CHST9: variants seen among roughly 807,000 people sequenced by gnomAD.
CHST9 encodes the protein carbohydrate sulfotransferase 9, also known as GalNAc-4-sulfotransferase 2.
A neutral mutation model predicts 44.4 loss-of-function variants in CHST9; 41 were observed. The ratio of observed to expected loss-of-function variants is 0.92; its 90% CI spans 0.72 to 1.20. CHST9 has a LOEUF of 1.20. Ranked by LOEUF, CHST9 falls within the 50% of genes most tolerant of loss-of-function variation. CHST9 has a pLI of 0.00. For missense variants in CHST9, 504 were observed against 516.5 expected, an observed-to-expected ratio of 0.98 and a Z score of 0.23; for synonymous variants, 171 against 178.4, an observed-to-expected ratio of 0.96 and a Z score of 0.33.
chr18:26,992,620 C>CTT (rs796715944), intron 4 of CHST9, among the ~76,000 whole-genome samples: 92 of 143,172 alleles, frequency 6.4e-4, no homozygotes, highest in African/African-American at 2.1e-3. Context: ...GAAATTCTTT[C>CTT]TTTTTTTTTT....
intron 3 of CHST9, among the ~76,000 whole-genome samples, chr18:27,037,023 T>A (rs570787831): frequency 2.0e-5 from 3 of 152,330 alleles, no homozygotes; most frequent in East Asian, 3.9e-4. Context: ...AACATCTACA[T>A]GCTTATTGGG....
At chr18:27,063,964 C>G (rs960605931) in intron 2 of CHST9, among the ~76,000 whole-genome samples, 1 of 152,036 alleles carries the variant, frequency 6.6e-6, no homozygotes, top group African/African-American at 2.4e-5. Flanking sequence ...GAGGAGAAGC[C>G]AATCCCAAAT....
chr18:27,064,529 TC>T (rs1307029384), intron 2 of CHST9, among the ~76,000 whole-genome samples: 17 of 152,236 alleles, frequency 1.1e-4, no homozygotes, highest in African/African-American at 3.9e-4. Context: ...TTCTAGGCAT[TC>T]AGATGATGCC....
chr18:27,057,289 G>A (rs1276939091), intron 2 of CHST9, among the ~76,000 whole-genome samples: 1 of 152,218 alleles, frequency 6.6e-6, no homozygotes, highest in Non-Finnish European at 1.5e-5. Context: ...CATTGTAAGA[G>A]GAGGAACAGA....
chr18:27,023,791 C>T (rs1250315675), intron 4 of CHST9, among the ~76,000 whole-genome samples: 1 of 152,138 alleles, frequency 6.6e-6, no homozygotes, highest in Admixed American at 6.5e-5. Flanking sequence ...GTGTTAAGTA[C>T]TTTTAAAATA....
At chr18:27,092,385 A>C (rs1440175934) in intron 2 of CHST9, among the ~76,000 whole-genome samples, 3 of 151,900 alleles carry the variant, frequency 2.0e-5, no homozygotes. Flanking sequence ...TGATCTTTTC[A>C]AAAAACCAGC....
At position 27,151,796 on chromosome 18, in the gene CHST9, G is replaced by A. The variant is rs999676193; in HGVS notation, c.-96-8891C>T. On this transcript the variant is annotated intron_variant, in intron 1 of 5. Transcript: ENST00000618847. The stretch of plus-strand genomic sequence containing the variant: ...AGATTCTACCCAGAGCTACAGAAGG[G>A]ACCGCAGTCCTGCTGACACCTTAAT... 2.0e-5 allele frequency among the ~76,000 whole-genome samples: 3 copies of A among 152,140 alleles called. No individual in the cohort carries two copies. The East Asian group carries it at 5.8e-4, about 29-fold the overall frequency.
intron 4 of CHST9, among the ~76,000 whole-genome samples, chr18:26,997,294 G>A (rs1003476865): frequency 2.6e-4 from 40 of 152,156 alleles, no homozygotes; most frequent in African/African-American, 9.4e-4. Flanking sequence ...TAGAGAAAGT[G>A]TTATTATTAG....
intron 2 of CHST9, among the ~76,000 whole-genome samples, chr18:27,076,861 A>G (rs1052476846): frequency 3.9e-5 from 6 of 152,320 alleles, no homozygotes; most frequent in African/African-American, 7.2e-5. Context: ...TACATGTCCA[A>G]TGAGGGGAAA....
intron 1 of CHST9, among the ~76,000 whole-genome samples, chr18:27,182,689 AT>A (rs2061620694): frequency 1.3e-5 from 2 of 152,206 alleles, no homozygotes; most frequent in African/African-American, 4.8e-5. Flanking sequence ...AATATCTCAA[AT>A]CTTGCTTTAT....
At chr18:27,038,446 T>G (rs374763588) in intron 3 of CHST9, among the ~76,000 whole-genome samples, 3 of 152,044 alleles carry the variant, frequency 2.0e-5, no homozygotes, top group East Asian at 1.9e-4. Context: ...CTTGGGAGAC[T>G]GAGGCAGGAG....
chr18:26,959,771 A>AT (rs978798919), intron 4 of CHST9, among the ~76,000 whole-genome samples: 1 of 152,166 alleles, frequency 6.6e-6, no homozygotes, highest in Non-Finnish European at 1.5e-5. Context: ...TTAAAGAAAT[A>AT]TTTTTTGACA....
chr18:26,932,302 C>T (rs111461171), intron 5 of CHST9, among the ~76,000 whole-genome samples: 1,714 of 152,276 alleles, frequency 0.011, 39 homozygotes, highest in African/African-American at 0.039. Context: ...ATCTGCTCAG[C>T]TTTTATGTCA....
At chr18:27,081,365 G>T (rs1309452468) in intron 2 of CHST9, among the ~76,000 whole-genome samples, 1 of 151,978 alleles carries the variant, frequency 6.6e-6, no homozygotes, top group Non-Finnish European at 1.5e-5. Context: ...AAGAAGAAAA[G>T]AAAAGAAAAA....
chr18:27,009,540 T>C (rs1294704105), intron 4 of CHST9, among the ~76,000 whole-genome samples: 1 of 152,212 alleles, frequency 6.6e-6, no homozygotes, highest in Non-Finnish European at 1.5e-5. Context: ...TTCCCTTCTT[T>C]CAGTTCAGAA....
chr18:26,942,456 A>G (rs770950181), intron 5 of CHST9, among the ~76,000 whole-genome samples: 1 of 152,226 alleles, frequency 6.6e-6, no homozygotes, highest in Admixed American at 6.5e-5. Context: ...GAAAACCATT[A>G]TAATTTTATA....
rs764093771 is a variant in CHST9 at position 26,910,631 on chromosome 18, A to T, written c.*5628T>A. ...GGCCCAATGTTGGCAGCTAATTCAG[A>T]TGTTAAATAAAATGCACTGTCAGCC... is the stretch of plus-strand genomic sequence containing the variant. On this transcript the variant is annotated 3_prime_UTR_variant, in exon 6 of 6. Coordinates refer to ENST00000618847, the MANE Select transcript of CHST9 (RefSeq NM_031422.6). The T allele has an allele frequency of 2.8e-4, 42 of 152,320 alleles. No individual in the cohort carries two copies. The highest frequency in any genetic ancestry group is 2.2e-4 in the Non-Finnish European group (15 of 68,028). 9.4% of individuals were successfully genotyped at this position (152,320 alleles called of 1,614,324 possible).
At chr18:27,064,134 C>T (rs552749296) in intron 2 of CHST9, among the ~76,000 whole-genome samples, 1 of 152,086 alleles carries the variant, frequency 6.6e-6, no homozygotes, top group African/African-American at 2.4e-5. Flanking sequence ...AATAGGCTGG[C>T]TGATCTTAGT....
chr18:26,977,491 T>G (rs989087587), intron 4 of CHST9, among the ~76,000 whole-genome samples: 1 of 151,676 alleles, frequency 6.6e-6, no homozygotes, highest in African/African-American at 2.4e-5. Context: ...TTCATACATG[T>G]AGAAAGCCAA....
Sources: gnomAD v4.1 joint callset for allele counts (sites outside exome capture counted in the v4.1 genomes callset) on GRCh38, gnomAD v4.1.1 for gene constraint, MANE v1.5 for transcripts, NCBI Gene and HGNC (gene_info 2026-07-23, HGNC 2026-07-21) for gene names.